The following HEATR4 variants were observed in gnomAD, a reference collection of about 807,000 sequenced individuals.
HEATR4 encodes the protein HEAT repeat containing 4.
HEATR4 carries 95 observed loss-of-function variants against 108.8 expected under a neutral mutation model. That is an observed-to-expected ratio of 0.87 (90% CI 0.74 to 1.04). The LOEUF is 1.04. HEATR4 is among the 50% of genes least tolerant of loss of function. The pLI is 0.00. For missense variants in HEATR4, 1,152 were observed against 1,253.8 expected, an observed-to-expected ratio of 0.92 and a Z score of 1.23; for synonymous variants, 443 against 459.4, an observed-to-expected ratio of 0.96 and a Z score of 0.46.
intron 1 of HEATR4, chr14:73,537,783 G>A: frequency 8.1e-7 from 1 of 1,229,482 alleles, no homozygotes; most frequent in Non-Finnish European, 1.1e-6. Flanking sequence ...CGGCTGCTGT[G>A]CCGGGTGCGG....
the HEATR4 span, chr14:73,591,789 G>A: frequency 1.7e-5 from 10 of 577,884 alleles, no homozygotes; most frequent in African/African-American, 1.4e-4. Context: ...AGACGAGTCC[G>A]GAGCGCCGGG....
chr14:73,525,048 A>C (rs1888244144), intron 2 of HEATR4, among the ~76,000 whole-genome samples: 1 of 151,710 alleles, frequency 6.6e-6, no homozygotes. Context: ...TTTTTTTGAG[A>C]CAGGGTCTTG....
intron 17 of HEATR4, among the ~76,000 whole-genome samples, chr14:73,479,931 T>G (rs1394722405): frequency 6.6e-6 from 1 of 152,150 alleles, no homozygotes; most frequent in African/African-American, 2.4e-5. Flanking sequence ...CTCAGCCTAC[T>G]CTGGCTTGAA....
the HEATR4 span, among the ~76,000 whole-genome samples, chr14:73,614,548 T>A: frequency 1.3e-5 from 2 of 151,518 alleles, no homozygotes; most frequent in Non-Finnish European, 2.9e-5. Context: ...AAGACTAGCC[T>A]GGCCAACATG....
chr14:73,607,893 G>A, the HEATR4 span, among the ~76,000 whole-genome samples: 15 of 151,862 alleles, frequency 9.9e-5, no homozygotes, highest in African/African-American at 3.6e-4. Flanking sequence ...CAAAGTGCTG[G>A]GATTATAGGC....
the HEATR4 span, among the ~76,000 whole-genome samples, chr14:73,606,749 C>A: frequency 6.6e-6 from 1 of 152,152 alleles, no homozygotes; most frequent in Non-Finnish European, 1.5e-5. Context: ...CCAATCAGGA[C>A]TCCTTCCCTG....
chr14:73,612,832 G>A, the HEATR4 span: 2 of 1,425,256 alleles, frequency 1.4e-6, no homozygotes, highest in Non-Finnish European at 1.9e-6. Context: ...TGGAGCCCGA[G>A]AAAGCCTTGG....
rs747000190 is a variant in HEATR4 at position 73,498,305 on chromosome 14, TC to T, written c.2395del (p.Asp799IlefsTer24). Reference protein sequence around the residue: ...QIGQVSPELTDLLLWAIHYEE... With the variant: ...QIGQVSPELTXLLLWAIHYEE... ...ATAGTGGATAGCCCAGAGCAGAAGA[TC>T]CGTCAGCTCGGGACTTACTTGCCCA... On this transcript the variant is annotated frameshift_variant, in exon 14 of 18. Transcript: ENST00000553558. LOFTEE classifies it high-confidence loss of function. 2 of 1,611,268 alleles carry T rather than the reference TC, an allele frequency of 1.2e-6. No homozygotes were observed. The highest frequency in any genetic ancestry group is 1.7e-5 in the Admixed American group (1 of 59,790).
chr14:73,564,733 T>G, the HEATR4 span, among the ~76,000 whole-genome samples: 11 of 142,266 alleles, frequency 7.7e-5, no homozygotes, highest in Admixed American at 6.3e-4. Flanking sequence ...TTTTTGTTTT[T>G]TTTTTTTTTT....
At chr14:73,622,498 G>T in the HEATR4 span, among the ~76,000 whole-genome samples, 1 of 152,042 alleles carries the variant, frequency 6.6e-6, no homozygotes, top group South Asian at 2.1e-4. Context: ...TGCCTCCTGG[G>T]TTCAAGTGAT....
chr14:73,605,982 G>A, the HEATR4 span, among the ~76,000 whole-genome samples: 22 of 152,086 alleles, frequency 1.4e-4, no homozygotes, highest in South Asian at 4.2e-4. Context: ...TCGATTAACC[G>A]GCTCATCGGA....
intron 2 of HEATR4, among the ~76,000 whole-genome samples, chr14:73,525,227 T>A (rs1469247391): frequency 3.9e-5 from 6 of 152,004 alleles, no homozygotes; most frequent in Admixed American, 2.6e-4. Flanking sequence ...AGAGATGGGG[T>A]CTCACTATGT....
intron 10 of HEATR4, among the ~76,000 whole-genome samples, chr14:73,504,484 C>T (rs1886685715): frequency 1.3e-5 from 2 of 152,054 alleles, no homozygotes; most frequent in South Asian, 2.1e-4. Context: ...CCTCGTGATC[C>T]GCCCTCCTTG....
At chr14:73,511,150 TAGGTAATTTGAAGCTCAG>T (rs1887226794) in intron 7 of HEATR4, among the ~76,000 whole-genome samples, 1 of 152,114 alleles carries the variant, frequency 6.6e-6, no homozygotes, top group African/African-American at 2.4e-5. Flanking sequence ...ATTTTATAGA[TAGGTAATTTGAAGCTCAG>T]AGAGGTTAGC....
At chr14:73,569,927 C>T in the HEATR4 span, 14 of 1,568,594 alleles carry the variant, frequency 8.9e-6, no homozygotes, top group Non-Finnish European at 1.2e-5. Context: ...TCGCCTTTCA[C>T]TTTGTGTGTC....
chr14:73,568,560 T>A, the HEATR4 span, among the ~76,000 whole-genome samples: 1 of 146,078 alleles, frequency 6.8e-6, no homozygotes, highest in African/African-American at 2.4e-5. Context: ...TGAGACCCTG[T>A]CTCTCAAAAA....
In HEATR4 at chr14:73,484,033, T is replaced by C. The variant is rs540794604; in HGVS notation, c.2845-5191A>G. ...CCATACCTGGCTAATTTTTCTTTAT[T>C]TTCAGTAGAGACGGGGTTTTACCAT... On this transcript the variant is annotated intron_variant, in intron 17 of 17. Coordinates refer to ENST00000553558, the MANE Select transcript of HEATR4 (RefSeq NM_001220484.1). Among the ~76,000 whole-genome samples the C allele has an allele frequency of 2.8e-4, 42 of 152,026 alleles. 1 individual carries two copies. Among genetic ancestry groups the C allele is most frequent in the African/African-American group, 9.6e-4 (40 of 41,466 alleles).
the HEATR4 span, among the ~76,000 whole-genome samples, chr14:73,632,418 T>A: frequency 1.3e-5 from 2 of 152,192 alleles, no homozygotes; most frequent in Admixed American, 1.3e-4. Flanking sequence ...CAGTTTGAAG[T>A]GTTTCCTTCC....
the HEATR4 span, chr14:73,573,248 A>G: frequency 7.7e-7 from 1 of 1,306,864 alleles, no homozygotes; most frequent in Non-Finnish European, 1.1e-6. Flanking sequence ...TTTCTGGACG[A>G]ACAGGTTTTC....
Sources: allele counts gnomAD v4.1 joint callset (sites outside exome capture counted in the v4.1 genomes callset), GRCh38; gene constraint gnomAD v4.1.1; transcripts MANE v1.5; gene names NCBI Gene and HGNC (gene_info 2026-07-23, HGNC 2026-07-21).